Variants in RAB11FIP5 observed in about 807,000 individuals in gnomAD.
RAB11FIP5 encodes RAB11 family interacting protein 5.
In RAB11FIP5, 48 loss-of-function variants were observed where a neutral mutation model predicts 85.1. That is an observed-to-expected ratio of 0.56 (90% CI 0.45 to 0.72). The LOEUF (loss-of-function observed/expected upper bound fraction) is 0.72, where lower values mean the gene tolerates loss of function less well. Among genes scored for constraint, RAB11FIP5 ranks in the 30% least tolerant of loss-of-function variants. The pLI, the probability that RAB11FIP5 is intolerant of heterozygous loss-of-function variation, is 0.00. For missense variants in RAB11FIP5, 1,491 were observed against 1,687.0 expected (o/e 0.88, Z 2.04); for synonymous variants, 729 against 727.3 (o/e 1.00, Z -0.04).
At position 73,089,330 on chromosome 2, in the gene RAB11FIP5, G is replaced by A; in HGVS notation, c.432-15C>T. ...GCTTGTACCACCTGTGAGAAGAGGGGAGCAGGCAGAACTCAGTCACGGGCC... is the reference window on the plus strand; with the variant it reads ...GCTTGTACCACCTGTGAGAAGAGGGAAGCAGGCAGAACTCAGTCACGGGCC... On this transcript the variant is annotated splice_polypyrimidine_tract_variant and intron_variant, in intron 1 of 5. Coordinates refer to ENST00000486777, the MANE Select transcript of RAB11FIP5 (RefSeq NM_001371272.1). The surrounding 1 kb of genome is among the most constrained non-coding windows in gnomAD (Gnocchi z 4.6). The A allele has an allele frequency of 2.5e-6, 4 of 1,611,556 alleles. No individual in the cohort carries two copies. Among genetic ancestry groups the A allele is most frequent in the Non-Finnish European group, 3.4e-6 (4 of 1,179,838 alleles).
chr2:73,083,825 C>T (rs974202629), intron 3 of RAB11FIP5, among the ~76,000 whole-genome samples: 4 of 152,172 alleles, frequency 2.6e-5, no homozygotes, highest in African/African-American at 9.7e-5. Flanking sequence ...CTACAGGACC[C>T]GGGCCCCCAG....
At chr2:73,076,261 G>C in intron 4 of RAB11FIP5, 79 bp from the exon 5 acceptor site, 1 of 1,339,814 alleles carries the variant, frequency 7.5e-7, no homozygotes. Flanking sequence ...TCCCTGTGGA[G>C]CCTCCAGGTC....
intron 1 of RAB11FIP5, among the ~76,000 whole-genome samples, chr2:73,103,782 A>G (rs1684474176): frequency 6.6e-6 from 1 of 152,226 alleles, no homozygotes; most frequent in African/African-American, 2.4e-5. Context: ...GAGGTGGCCC[A>G]GGACCAAAAA....
At position 73,079,637 on chromosome 2, in the gene RAB11FIP5, G is replaced by A. The variant is rs1559232381; in HGVS notation, c.3581+14C>T. The A allele has an allele frequency of 4.9e-6, 6 of 1,232,866 alleles. No homozygotes were observed. Among genetic ancestry groups the A allele is most frequent in the Non-Finnish European group, 6.1e-6 (6 of 988,524 alleles). The allele number at this position is 1,232,866 out of a possible 1,614,324, so 76.4% of individuals were successfully genotyped here. On this transcript the variant is annotated intron_variant, in intron 4 of 5. Coordinates refer to ENST00000486777, the MANE Select transcript of RAB11FIP5 (RefSeq NM_001371272.1). ...CCCTTCCTCCTGGACAGTGTTCTGG[G>A]GGTGGATGCTCACCTGGCACTGGGC...
At chr2:73,111,141 G>C (rs1233957606) in intron 1 of RAB11FIP5, among the ~76,000 whole-genome samples, 3 of 152,076 alleles carry the variant, frequency 2.0e-5, no homozygotes, top group Non-Finnish European at 4.4e-5. Context: ...AGCCATGCCT[G>C]GAACCTGCAC....
In RAB11FIP5 at chr2:73,081,327, G is replaced by A. The variant is rs970237706; in HGVS notation, c.1905C>T (p.Pro635=). The change falls in exon 4 of 6, where the codon CCC becomes CCT. Residue 635 remains proline (P), a synonymous_variant. Coordinates refer to ENST00000486777, the MANE Select transcript of RAB11FIP5 (RefSeq NM_001371272.1). The surrounding 1 kb of genome is among the most constrained non-coding windows in gnomAD (Gnocchi z 4.2). Reference sequence around the variant, plus strand: ...CTTTCCCAGGGGAGGCCAGGGGGGTGGGGCTGGCCCTCGAGGCACTGGGGA... The same window carrying A: ...CTTTCCCAGGGGAGGCCAGGGGGGTAGGGCTGGCCCTCGAGGCACTGGGGA... ...PSLPSASRAS[P]TPLASPGKAL... 30 of 1,232,686 alleles carry A rather than the reference G, an allele frequency of 2.4e-5. No individual in the cohort carries two copies. Among genetic ancestry groups the A allele is most frequent in the African/African-American group, 3.1e-5 (2 of 64,410 alleles). The allele number at this position is 1,232,686 out of a possible 1,614,324, so 76.4% of individuals were successfully genotyped here. A position where few individuals can be genotyped will look rare whatever the true frequency, so the allele number is the denominator to read the frequency against.
chr2:73,088,806 C>T (rs1684146784), intron 2 of RAB11FIP5, 57 bp from the exon 3 acceptor site: 1 of 1,536,514 alleles, frequency 6.5e-7, no homozygotes, highest in Non-Finnish European at 8.7e-7. Flanking sequence ...TTTCCTGGCC[C>T]CAGGCCTTCA....
At position 73,080,922 on chromosome 2, in the gene RAB11FIP5, C is replaced by A. The variant is rs1030137089; in HGVS notation, c.2310G>T (p.Leu770=). ...RASGSEPDRE[L]PAPEVEAGQS... is the part of the protein sequence containing the mutation. ...GCCCTGCTTCCACTTCCGGGGCTGG[C>A]AGTTCCCTGTCTGGTTCTGAGCCTG... Residue 770 remains leucine (L), a synonymous_variant, in exon 4 of 6, where the codon CTG becomes CTT. Coordinates refer to ENST00000486777, the MANE Select transcript of RAB11FIP5 (RefSeq NM_001371272.1). 2 of 1,232,560 alleles carry A rather than the reference C, an allele frequency of 1.6e-6. No homozygotes were observed. The highest frequency in any genetic ancestry group is 4.1e-5 in the South Asian group (1 of 24,332). 76.4% of individuals were successfully genotyped at this position (1,232,560 alleles called of 1,614,324 possible). A position where few individuals can be genotyped will look rare whatever the true frequency, so the allele number is the denominator to read the frequency against.
At chr2:73,093,135 G>A (rs568001908) in intron 1 of RAB11FIP5, among the ~76,000 whole-genome samples, 1 of 152,190 alleles carries the variant, frequency 6.6e-6, no homozygotes, top group Non-Finnish European at 1.5e-5. Context: ...ACAAATGGAG[G>A]CTTTCTTTTC....
In RAB11FIP5 at chr2:73,112,732, A is replaced by T. The variant is rs1052578333; in HGVS notation, c.46T>A (p.Trp16Arg). The T allele has an allele frequency of 5.3e-6, 8 of 1,515,868 alleles. No individual in the cohort carries two copies. Among genetic ancestry groups the T allele is most frequent in the African/African-American group, 2.9e-5 (2 of 69,464 alleles). 93.9% of individuals were successfully genotyped at this position (1,515,868 alleles called of 1,614,324 possible). Residue 16 changes from tryptophan to arginine, a missense_variant, in exon 1 of 6, where the codon TGG (tryptophan) becomes AGG (arginine). Coordinates refer to ENST00000486777, the MANE Select transcript of RAB11FIP5 (RefSeq NM_001371272.1). The stretch of plus-strand genomic sequence containing the variant: ...GTCACCTGGACGTGCGTGGGCAGCC[A>T]GCGGGAAGGCCCCGCCGCCGGCTCC... ...GAEPAAGPSRWLPTHVQVTVL... is the reference protein window; with the variant it reads ...GAEPAAGPSRRLPTHVQVTVL...
chr2:73,112,646 C>T lies in RAB11FIP5; in HGVS notation c.132G>A (p.Ala44=), dbSNP rs1210479827. 4.6e-5 allele frequency: 73 copies of T among 1,600,048 alleles called. 1 individual carries two copies. Among genetic ancestry groups the T allele is most frequent in the Non-Finnish European group, 8.5e-7 (1 of 1,174,968 alleles). The change falls in exon 1 of 6, where the codon GCG becomes GCA. Residue 44 remains alanine, a synonymous_variant. Coordinates refer to ENST00000486777, the MANE Select transcript of RAB11FIP5 (RefSeq NM_001371272.1). ...CGCGGCCCACCTGGATCACCGTGTACGCGTCGCTGGTGCTGCCCGCTCCCG... is the reference window on the plus strand; with the variant it reads ...CGCGGCCCACCTGGATCACCGTGTATGCGTCGCTGGTGCTGCCCGCTCCCG... ...KSSGAGSTSD[A]YTVIQVGREK...
intron 3 of RAB11FIP5, among the ~76,000 whole-genome samples, chr2:73,085,245 C>G (rs894818296): frequency 6.6e-6 from 1 of 152,172 alleles, no homozygotes; most frequent in African/African-American, 2.4e-5. Context: ...ACACCTGGTG[C>G]AGGGAGGCAC....
chr2:73,088,917 C>T lies in RAB11FIP5; in HGVS notation c.830G>A (p.Arg277His), dbSNP rs372149039. The T allele has an allele frequency of 1.8e-5, 28 of 1,593,318 alleles. No homozygotes were observed. Among genetic ancestry groups the T allele is most frequent in the African/African-American group, 1.3e-4 (10 of 74,554 alleles). ...CAGCCAGCTGCTACGGCTTGGTGAGCGGGTGAGGAGTTCGGCGCCAGGTCC... is the reference window on the plus strand; with the variant it reads ...CAGCCAGCTGCTACGGCTTGGTGAGTGGGTGAGGAGTTCGGCGCCAGGTCC... ...YQGPGAELLT[R>H]SPSRSSWLST... Residue 277 changes from arginine (R) to histidine (H), a missense_variant, in exon 2 of 6, where the codon CGC (arginine) becomes CAC (histidine). Transcript: ENST00000486777.
chr2:73,112,521 A>C lies in RAB11FIP5; in HGVS notation c.257T>G (p.Leu86Arg). The change falls in exon 1 of 6, where the codon CTG becomes CGG. Residue 86 changes from leucine (L) to arginine (R), a missense_variant. Leu to Arg is a moderately radical substitution (Grantham distance 102). Around this residue, in one of 3 missense-constraint regions of RAB11FIP5, gnomAD observed 1,211 missense variants for 1,338.0 expected, o/e 0.91. Transcript: ENST00000486777. ...ELPPGALDGL[L>R]RAQEADAGPA... ...GCCCGCGTCGGCCTCCTGCGCCCGC[A>C]GCAGGCCATCCAGGGCCCCCGGCGG... 3 of 1,516,090 alleles carry C rather than the reference A, an allele frequency of 2.0e-6. No individual in the cohort carries two copies. The highest frequency in any genetic ancestry group is 2.6e-6 in the Non-Finnish European group (3 of 1,132,784). 93.9% of individuals were successfully genotyped at this position (1,516,090 alleles called of 1,614,324 possible). A position where few individuals can be genotyped will look rare whatever the true frequency, so the allele number is the denominator to read the frequency against.
At chr2:73,097,304 T>C (rs553184429) in intron 1 of RAB11FIP5, among the ~76,000 whole-genome samples, 1 of 152,176 alleles carries the variant, frequency 6.6e-6, no homozygotes, top group African/African-American at 2.4e-5. Context: ...CCCAAAGTGC[T>C]GAGATTACAG....
chr2:73,075,738 G>C lies in RAB11FIP5; in HGVS notation c.3772-14C>G, dbSNP rs200972119. ...CACAGCTGAGTCCTGAGGCCGGACC[G>C]AAGACAGTGAGCAGGGCAGCCCTAG... On this transcript the variant is annotated splice_polypyrimidine_tract_variant and intron_variant, in intron 5 of 5. Coordinates refer to ENST00000486777, the MANE Select transcript of RAB11FIP5 (RefSeq NM_001371272.1). This position sits in a 1 kb window ranked among gnomAD's most constrained non-coding sequence, Gnocchi z 4.6. The C allele has an allele frequency of 9.5e-6, 15 of 1,581,442 alleles. No individual in the cohort carries two copies. Among genetic ancestry groups the C allele is most frequent in the African/African-American group, 4.0e-5 (3 of 74,198 alleles).
chr2:73,099,051 CTTTTTTTTT>C (rs1036385402), intron 1 of RAB11FIP5, among the ~76,000 whole-genome samples: 3 of 105,854 alleles, frequency 2.8e-5, no homozygotes, highest in Non-Finnish European at 4.2e-5. Flanking sequence ...TTTCTTTTTT[CTTTTTTTTT>C]TTTTTTGAGA....
intron 1 of RAB11FIP5, among the ~76,000 whole-genome samples, chr2:73,094,394 A>G (rs964508654): frequency 6.6e-6 from 1 of 152,220 alleles, no homozygotes; most frequent in African/African-American, 2.4e-5. Flanking sequence ...CAAGGCCCCA[A>G]CATTCATCTA....
intron 1 of RAB11FIP5, among the ~76,000 whole-genome samples, chr2:73,109,700 A>G (rs2106126912): frequency 6.6e-6 from 1 of 152,324 alleles, no homozygotes; most frequent in South Asian, 2.1e-4. Flanking sequence ...TCTTGCAGCA[A>G]ATAGAATACA....
Sources: gnomAD v4.1 joint callset for allele counts (sites outside exome capture counted in the v4.1 genomes callset) on GRCh38, gnomAD v4.1.1 for gene constraint, gnomAD v4.1.1 regional missense constraint, Gnocchi (gnomAD v3.1) non-coding constraint, MANE v1.5 for transcripts, NCBI Gene and HGNC (gene_info 2026-07-23, HGNC 2026-07-21) for gene names.